Variants in ARHGAP29 observed in about 807,000 individuals in gnomAD.
The protein encoded by ARHGAP29 is Rho GTPase activating protein 29.
Under a neutral mutation model 122.6 loss-of-function variants are expected in ARHGAP29, and 43 were observed. That is an observed-to-expected ratio of 0.35 (90% CI 0.27 to 0.45). The LOEUF (loss-of-function observed/expected upper bound fraction) is 0.45. Among genes scored for constraint, ARHGAP29 ranks in the 20% least tolerant of loss-of-function variants. The pLI, the probability that ARHGAP29 is intolerant of heterozygous loss-of-function variation, is 1.00. For missense variants in ARHGAP29, 1,303 were observed against 1,477.2 expected (o/e 0.88, Z 1.93); for synonymous variants, 506 against 497.1 (o/e 1.02, Z -0.24).
At chr1:94,302,564 T>C in the ARHGAP29 span, 19 of 348,506 alleles carry the variant, frequency 5.5e-5, no homozygotes, top group Admixed American at 7.0e-4. Context: ...CCATCACTGC[T>C]ACCCAGAAGA....
At chr1:94,255,070 A>C (rs1026009631) in intron 1 of ARHGAP29, among the ~76,000 whole-genome samples, 1 of 152,150 alleles carries the variant, frequency 6.6e-6, no homozygotes, top group African/African-American at 2.4e-5. Flanking sequence ...TGCCACCCCC[A>C]CGCCACCAAA....
intron 1 of ARHGAP29, among the ~76,000 whole-genome samples, chr1:94,243,034 T>A (rs1056752459): frequency 2.6e-5 from 4 of 151,830 alleles, no homozygotes; most frequent in African/African-American, 9.7e-5. Context: ...AAAATAGAGG[T>A]CCAGAGTATG....
At chr1:94,220,467 G>A (rs1320275228) in intron 2 of ARHGAP29, 75 bp from the exon 3 acceptor site, 24 of 1,326,652 alleles carry the variant, frequency 1.8e-5, no homozygotes, top group Non-Finnish European at 2.4e-5. Flanking sequence ...GTCATCTGAA[G>A]CACATTTCAA....
At chr1:94,226,879 CT>C (rs1652643663) in intron 2 of ARHGAP29, among the ~76,000 whole-genome samples, 1 of 151,960 alleles carries the variant, frequency 6.6e-6, no homozygotes, top group African/African-American at 2.4e-5. Context: ...CAGTACACAT[CT>C]GAGGCTAGCA....
chr1:94,308,406 C>G, the ARHGAP29 span, among the ~76,000 whole-genome samples: 1 of 152,154 alleles, frequency 6.6e-6, no homozygotes, highest in Non-Finnish European at 1.5e-5. Flanking sequence ...CATGCAGTCT[C>G]TGATTACAAT....
the ARHGAP29 span, chr1:94,303,149 A>G: frequency 1.3e-5 from 2 of 152,560 alleles, no homozygotes; most frequent in African/African-American, 4.8e-5. Context: ...TTGTTTCTAC[A>G]TCAGACACCC....
Position 94,205,626 on chromosome 1 carries a change from G to T in ARHGAP29, c.559+9C>A. ...GTTTGTGAAAAGTTATAAACACCTT[G>T]AGCATTACCTTTTTCACTGGATGAG... On this transcript the variant is annotated intron_variant, in intron 6 of 22. Coordinates refer to ENST00000260526, the MANE Select transcript of ARHGAP29 (RefSeq NM_004815.4). 2 of 1,610,844 alleles carry T rather than the reference G, an allele frequency of 1.2e-6. No individual in the cohort carries two copies. Among genetic ancestry groups the T allele is most frequent in the South Asian group, 1.1e-5 (1 of 90,456 alleles).
chr1:94,191,041 A>G (rs952342748), intron 12 of ARHGAP29: 3 of 152,146 alleles, frequency 2.0e-5, no homozygotes, highest in Non-Finnish European at 4.4e-5. Context: ...AGGTAGTGCA[A>G]ATGTGAATGC....
intron 1 of ARHGAP29, among the ~76,000 whole-genome samples, chr1:94,244,719 A>T (rs1411039456): frequency 1.3e-5 from 2 of 152,154 alleles, no homozygotes; most frequent in African/African-American, 4.8e-5. Context: ...CAGAATACAA[A>T]GTTAATACAC....
Position 94,207,112 on chromosome 1 carries a change from G to C in ARHGAP29, c.511-1429C>G, listed in dbSNP as rs538960002. On this transcript the variant is annotated intron_variant, in intron 5 of 22. Coordinates refer to ENST00000260526, the MANE Select transcript of ARHGAP29 (RefSeq NM_004815.4). Reference sequence around the variant, plus strand: ...CAACCTCTGCCTTCTGGGTTCAAGTGATTCTCGTGCCTCAGCCTCCCAAAT... The same window carrying C: ...CAACCTCTGCCTTCTGGGTTCAAGTCATTCTCGTGCCTCAGCCTCCCAAAT... 2.1e-4 allele frequency among the ~76,000 whole-genome samples: 3 copies of C among 14,076 alleles called. No individual in the cohort carries two copies. In the Non-Finnish European group the frequency reaches 0.022, roughly 103 times the overall value. 9.2% of individuals were successfully genotyped at this position (14,076 alleles called of 152,430 possible).
At chr1:94,183,640 C>T (rs967502105) in intron 19 of ARHGAP29, among the ~76,000 whole-genome samples, 1 of 152,162 alleles carries the variant, frequency 6.6e-6, no homozygotes, top group Non-Finnish European at 1.5e-5. Flanking sequence ...TAACCTATCA[C>T]AATGGCTATT....
the ARHGAP29 span, among the ~76,000 whole-genome samples, chr1:94,287,438 G>T: frequency 1.3e-5 from 2 of 151,852 alleles, no homozygotes; most frequent in Non-Finnish European, 2.9e-5. Context: ...CACCATGATT[G>T]TAAGTTTCCT....
the ARHGAP29 span, among the ~76,000 whole-genome samples, chr1:94,309,401 G>A: frequency 1.2e-4 from 19 of 152,304 alleles, no homozygotes; most frequent in African/African-American, 4.3e-4. Flanking sequence ...AATATTTGCA[G>A]AGTGCTTTGA....
At chr1:94,312,687 C>T in the ARHGAP29 span, among the ~76,000 whole-genome samples, 1 of 152,166 alleles carries the variant, frequency 6.6e-6, no homozygotes, top group African/African-American at 2.4e-5. Context: ...CCACCTCAGC[C>T]TCCCAAAGTG....
At chr1:94,198,993 C>T (rs1396037438) in intron 12 of ARHGAP29, among the ~76,000 whole-genome samples, 2 of 152,030 alleles carry the variant, frequency 1.3e-5, no homozygotes, top group South Asian at 2.1e-4. Flanking sequence ...AAAAGGACAG[C>T]GAGAACCAAA....
At chr1:94,205,610 A>C in intron 6 of ARHGAP29, 25 bp downstream of exon 6, 1 of 1,601,018 alleles carries the variant, frequency 6.2e-7, no homozygotes, top group Non-Finnish European at 8.5e-7. Context: ...AGTTTGTGAA[A>C]AGTTATAAAC....
At chr1:94,312,360 T>TG in the ARHGAP29 span, among the ~76,000 whole-genome samples, 2 of 147,964 alleles carry the variant, frequency 1.4e-5, no homozygotes, top group Non-Finnish European at 3.0e-5. Context: ...TATTTGTTTT[T>TG]TTTTTTTTTT....
intron 22 of ARHGAP29, 36 bp downstream of exon 22, chr1:94,177,576 C>A: frequency 6.5e-7 from 1 of 1,531,748 alleles, no homozygotes; most frequent in Non-Finnish European, 8.9e-7. Context: ...AAATTTTAAG[C>A]CAGCAAACAT....
Position 94,205,144 on chromosome 1 carries a change from A to G in ARHGAP29, c.614T>C (p.Ile205Thr), listed in dbSNP as rs966941867. The change falls in exon 7 of 23, where the codon ATC (isoleucine) becomes ACC (threonine). Residue 205 changes from isoleucine (I) to threonine (T), a missense_variant. Transcript: ENST00000260526. ...DNVLLKNTDS[I>T]ELALSYAKTW... ...TTTAGCATATGACAAAGCCAGCTCG[A>G]TAGAGTCAGTGTTCTTTAACAGCAC... is the stretch of plus-strand genomic sequence containing the variant. The G allele has an allele frequency of 6.2e-7, 1 of 1,609,496 alleles. No homozygotes were observed. The highest frequency in any genetic ancestry group is 8.5e-7 in the Non-Finnish European group (1 of 1,178,516).
Sources: gnomAD v4.1 joint callset for allele counts (sites outside exome capture counted in the v4.1 genomes callset) on GRCh38, gnomAD v4.1.1 for gene constraint, MANE v1.5 for transcripts, NCBI Gene and HGNC (gene_info 2026-07-23, HGNC 2026-07-21) for gene names.